The following FANCD2 variants were observed in gnomAD, a reference collection of about 807,000 sequenced individuals.
The protein encoded by FANCD2 is FA complementation group D2, also known as Fanconi anemia group D2 protein.
Under a neutral mutation model 192.3 loss-of-function variants are expected in FANCD2, and 131 were observed. That is an observed-to-expected ratio of 0.68 (90% confidence interval 0.59 to 0.79). The LOEUF (loss-of-function observed/expected upper bound fraction) is 0.79. FANCD2 is among the 30% of genes least tolerant of loss of function. FANCD2 has a pLI of 0.00. For missense variants in FANCD2, 1,508 were observed against 1,701.6 expected (o/e 0.89, Z 2.00); for synonymous variants, 524 against 612.5 (o/e 0.86, Z 2.13).
chr3:10,074,503 C>T (rs200677332), intron 28 of FANCD2, 27 bp from the exon 29 acceptor site: 98 of 1,600,526 alleles, frequency 6.1e-5, no homozygotes, highest in Non-Finnish European at 7.6e-5. Flanking sequence ...TTTATATATT[C>T]TCTTTGTTGC....
rs774452519 is a variant in FANCD2, at chr3:10,073,001, CTT to C, written c.2605+21_2605+22del. The C allele has an allele frequency of 4.4e-6, 6 of 1,363,030 alleles. No homozygotes were observed. The highest frequency in any genetic ancestry group is 2.3e-5 in the East Asian group (1 of 43,502). 84.4% of individuals were successfully genotyped at this position (1,363,030 alleles called of 1,614,324 possible). A position where few individuals can be genotyped will look rare whatever the true frequency, so the allele number is the denominator to read the frequency against. On this transcript the variant is annotated intron_variant, in intron 27 of 43. Coordinates refer to ENST00000675286, the MANE Select transcript of FANCD2 (RefSeq NM_001018115.3). ...AAATAGGTAAGTATGTTCTTTTCCT[CTT>C]GTCTTGTGTCTCTAAATAAGCTTCA... is the stretch of plus-strand genomic sequence containing the variant.
intron 14 of FANCD2, among the ~76,000 whole-genome samples, chr3:10,044,593 T>C (rs900251094): frequency 1.5e-4 from 23 of 151,874 alleles, no homozygotes; most frequent in African/African-American, 5.3e-4. Context: ...TCTCAAAAGA[T>C]AAAAAGCCGG....
Position 10,098,834 on chromosome 3 carries a change from C to G in FANCD2, c.4281+19C>G, listed in dbSNP as rs756674236. 1 of 1,614,162 alleles carries G rather than the reference C, an allele frequency of 6.2e-7. No homozygotes were observed. The highest frequency in any genetic ancestry group is 1.1e-5 in the South Asian group (1 of 91,084). ...CACTGAGGTATCTCTACAAAACCCA[C>G]CAGAGTCTGGCACTGATGGTTGCAT... On this transcript the variant is annotated intron_variant, in intron 43 of 43. Transcript: ENST00000675286.
In FANCD2 at chr3:10,067,307, G is replaced by A. The variant is rs55980657; in HGVS notation, c.2484G>A (p.Lys828=). Residue 828 remains lysine (K), a synonymous_variant, in exon 26 of 44, where the codon AAG becomes AAA. Transcript: ENST00000675286. ...HIVELQIILE[K]YLAVTPDYVP... ...TAGAATTGCAAATAATCCTGGAAAAGTACTTGGCAGGTAAGAGAAGTGTCC... is the reference window on the plus strand; with the variant it reads ...TAGAATTGCAAATAATCCTGGAAAAATACTTGGCAGGTAAGAGAAGTGTCC... 1.6e-3 allele frequency: 2,555 copies of A among 1,606,794 alleles called. 37 individuals carry two copies. In the African/African-American group the frequency reaches 0.029, roughly 18 times the overall value.
At chr3:10,053,677 A>G (rs2087288772) in intron 18 of FANCD2, among the ~76,000 whole-genome samples, 1 of 151,170 alleles carries the variant, frequency 6.6e-6, no homozygotes, top group African/African-American at 2.4e-5. Context: ...GTGGAAATGG[A>G]GTACATAGCC....
intron 18 of FANCD2, among the ~76,000 whole-genome samples, chr3:10,055,583 C>G (rs551908965): frequency 6.6e-6 from 1 of 152,024 alleles, no homozygotes; most frequent in African/African-American, 2.4e-5. Context: ...GAGGCTGAGG[C>G]GGGCAGATCA....
intron 34 of FANCD2, among the ~76,000 whole-genome samples, chr3:10,087,644 C>T (rs926448691): frequency 4.6e-5 from 7 of 151,866 alleles, no homozygotes; most frequent in African/African-American, 1.5e-4. Context: ...TGGCCTCTTC[C>T]CTGGCCTTTT....
chr3:10,043,316 AT>A (rs1263653499), intron 12 of FANCD2, among the ~76,000 whole-genome samples, 166 bp downstream of exon 12: 1 of 152,100 alleles, frequency 6.6e-6, no homozygotes, highest in Non-Finnish European at 1.5e-5. Flanking sequence ...GTGTTTATAT[AT>A]TTTCTTAGCC....
chr3:10,089,731 G>A (rs1694470080), intron 36 of FANCD2, among the ~76,000 whole-genome samples: 1 of 152,192 alleles, frequency 6.6e-6, no homozygotes, highest in African/African-American at 2.4e-5. Context: ...GCCTCTCAAA[G>A]TGCTGGGATT....
At chr3:10,056,759 A>ATT (rs1438290938) in intron 18 of FANCD2, among the ~76,000 whole-genome samples, 2 of 151,920 alleles carry the variant, frequency 1.3e-5, no homozygotes, top group African/African-American at 4.8e-5. Context: ...TTTGATTTGC[A>ATT]TTTTCTAATG....
intron 17 of FANCD2, among the ~76,000 whole-genome samples, chr3:10,052,005 A>G (rs2087233861): frequency 6.6e-6 from 1 of 152,196 alleles, no homozygotes. Flanking sequence ...TCACTGAAAA[A>G]AAAGGGAAAG....
chr3:10,068,799 C>A (rs2125041040), intron 26 of FANCD2, among the ~76,000 whole-genome samples: 1 of 152,196 alleles, frequency 6.6e-6, no homozygotes, highest in East Asian at 1.9e-4. Context: ...AAAACAGATG[C>A]ATATACCAAT....
chr3:10,034,449 C>A lies in FANCD2; in HGVS notation c.206-20C>A, dbSNP rs200170760. 1.8e-5 allele frequency: 29 copies of A among 1,596,722 alleles called. No individual in the cohort carries two copies. The African/African-American group carries it at 3.5e-4, about 19-fold the overall frequency. ...ACTATGGTAGGAAACTGGTGACCAGCTCTTCTTTTTTCTGCATAGCTGTGG... is the reference window on the plus strand; with the variant it reads ...ACTATGGTAGGAAACTGGTGACCAGATCTTCTTTTTTCTGCATAGCTGTGG... On this transcript the variant is annotated intron_variant, in intron 3 of 43. Transcript: ENST00000675286.
At chr3:10,036,105 T>TTTTTTTTTTTTTTTTTTTTTTTTTTG (rs2086724568) in intron 6 of FANCD2, among the ~76,000 whole-genome samples, 182 bp from the exon 7 acceptor site, 1 of 146,788 alleles carries the variant, frequency 6.8e-6, no homozygotes. Context: ...TTTTTTTTTT[T>TTTTTTTTTTTTTTTTTTTTTTTTTTG]GAGTCAGAGT....
chr3:10,095,689 A>T (rs1694911825), intron 41 of FANCD2, among the ~76,000 whole-genome samples: 1 of 152,178 alleles, frequency 6.6e-6, no homozygotes, highest in African/African-American at 2.4e-5. Flanking sequence ...GTCTTATGAG[A>T]ACATCTTAGC....
rs1693427721 is a variant in FANCD2 at position 10,074,530 on chromosome 3, G to C, written c.2716G>C (p.Glu906Gln). Residue 906 changes from glutamate (E) to glutamine (Q), a missense_variant and splice_region_variant, in exon 29 of 44, where the codon GAG (glutamate) becomes CAG (glutamine). Coordinates refer to ENST00000675286, the MANE Select transcript of FANCD2 (RefSeq NM_001018115.3). ...CTTTGTTGCTGTGACTTCCCCATAG[G>C]AGTTCACAGGGAAGGAAGAAAAGAC... The part of the protein sequence containing the change: ...TPSHRGQLNK[E>Q]FTGKEEKTSL... 6.2e-7 allele frequency: 1 copy of C among 1,612,810 alleles called. No homozygotes were observed. The highest frequency in any genetic ancestry group is 1.7e-5 in the Admixed American group (1 of 60,006).
At chr3:10,081,521 T>A in intron 32 of FANCD2, 57 bp downstream of exon 32, 1 of 1,136,642 alleles carries the variant, frequency 8.8e-7, no homozygotes, top group Non-Finnish European at 1.3e-6. Flanking sequence ...TATTTGACAG[T>A]CACCAAGGCA....
At chr3:10,086,690 C>G (rs1010555000) in intron 33 of FANCD2, among the ~76,000 whole-genome samples, 1 of 152,114 alleles carries the variant, frequency 6.6e-6, no homozygotes, top group African/African-American at 2.4e-5. Context: ...TGTGGCCAGG[C>G]TGGTCTCTAA....
At chr3:10,062,384 G>T (rs1436438702) in intron 20 of FANCD2, among the ~76,000 whole-genome samples, 173 bp downstream of exon 20, 8 of 151,932 alleles carry the variant, frequency 5.3e-5, no homozygotes, top group Admixed American at 4.6e-4. Context: ...GGGATTACAG[G>T]CACGCACCAC....
Sources: allele counts gnomAD v4.1 joint callset (sites outside exome capture counted in the v4.1 genomes callset), GRCh38; gene constraint gnomAD v4.1.1; transcripts MANE v1.5; gene names NCBI Gene and HGNC (gene_info 2026-07-23, HGNC 2026-07-21).